Variants in C10orf90 observed in about 807,000 individuals in gnomAD.
C10orf90 encodes chromosome 10 open reading frame 90.
A neutral mutation model predicts 62.5 loss-of-function variants in C10orf90; 56 were observed. The observed-to-expected ratio is 0.90, with a 90% CI of 0.72 to 1.12. The LOEUF is 1.12. Ranked by LOEUF, C10orf90 falls within the 50% of genes most tolerant of loss-of-function variation. The pLI is 0.00. For missense variants in C10orf90, 970 were observed against 880.4 expected, an observed-to-expected ratio of 1.10 and a Z score of -1.29; for synonymous variants, 386 against 340.4, an observed-to-expected ratio of 1.13 and a Z score of -1.47.
chr10:126,432,924 T>C (rs1857675739), intron 7 of C10orf90, among the ~76,000 whole-genome samples: 1 of 152,136 alleles, frequency 6.6e-6, no homozygotes, highest in Non-Finnish European at 1.5e-5. Context: ...AGTAAGAGAG[T>C]TGGAGAGCCA....
intron 7 of C10orf90, among the ~76,000 whole-genome samples, chr10:126,442,637 A>T (rs28832271): frequency 1.9e-3 from 28 of 15,090 alleles, no homozygotes; most frequent in African/African-American, 5.7e-3. Context: ...GTGTGTGTAT[A>T]TATATATATA....
At chr10:126,513,817 G>C in intron 3 of C10orf90, 31 bp downstream of exon 3, 1 of 1,405,664 alleles carries the variant, frequency 7.1e-7, no homozygotes, top group Non-Finnish European at 1.0e-6. Flanking sequence ...GCATTTTGCT[G>C]ACTATTCTAG....
At chr10:126,485,197 G>T (rs145571862) in intron 4 of C10orf90, among the ~76,000 whole-genome samples, 39 of 152,246 alleles carry the variant, frequency 2.6e-4, no homozygotes, top group African/African-American at 8.4e-4. Flanking sequence ...TACAATGTGA[G>T]GACACGACAA....
intron 2 of C10orf90, among the ~76,000 whole-genome samples, chr10:126,542,022 T>C (rs1864387433): frequency 6.6e-6 from 1 of 152,236 alleles, no homozygotes; most frequent in Non-Finnish European, 1.5e-5. Flanking sequence ...TGCTATTACA[T>C]GGGTGAACCT....
intron 4 of C10orf90, chr10:126,502,656 G>T (rs1417654065): frequency 2.8e-6 from 1 of 356,690 alleles, no homozygotes; most frequent in Non-Finnish European, 5.6e-6. Flanking sequence ...ATGACACATG[G>T]TTTAAAAATG....
intron 1 of C10orf90, among the ~76,000 whole-genome samples, chr10:126,650,650 T>C (rs1274968283): frequency 1.3e-5 from 2 of 152,202 alleles, no homozygotes; most frequent in African/African-American, 4.8e-5. Context: ...AAGAAAATCA[T>C]GACACTCCTT....
At chr10:126,566,812 A>G (rs1844400935) in intron 2 of C10orf90, among the ~76,000 whole-genome samples, 1 of 152,122 alleles carries the variant, frequency 6.6e-6, no homozygotes, top group Non-Finnish European at 1.5e-5. Context: ...ACCAGTTAAG[A>G]GGATACATCT....
At position 126,627,908 on chromosome 10, in the gene C10orf90, A is replaced by G. The variant is rs141676050; in HGVS notation, c.313+18657T>C. 2.4e-3 allele frequency among the ~76,000 whole-genome samples: 362 copies of G among 152,314 alleles called. 1 individual carries two copies. The highest frequency in any genetic ancestry group is 8.3e-3 in the African/African-American group (344 of 41,568). On this transcript the variant is annotated intron_variant, in intron 2 of 9. Coordinates refer to ENST00000488181, the MANE Select transcript of C10orf90 (RefSeq NM_001350921.2). ...CGGCTATAAAGCAGAACTTGTTTTC[A>G]TGTTAAGATGAATAGTGCTGGTTGA... is the stretch of plus-strand genomic sequence containing the variant.
rs11245070 is a variant in C10orf90 at position 126,627,727 on chromosome 10, C to A, written c.313+18838G>T. Reference sequence around the variant, plus strand: ...TCTTGTCTCCTCAGCAAAAAGAAAACCCAACTCCTAGGTACTCAGCAGAAT... The same window carrying A: ...TCTTGTCTCCTCAGCAAAAAGAAAAACCAACTCCTAGGTACTCAGCAGAAT... On this transcript the variant is annotated intron_variant, in intron 2 of 9. Coordinates refer to ENST00000488181, the MANE Select transcript of C10orf90 (RefSeq NM_001350921.2). Among the ~76,000 whole-genome samples, 1,082 of 152,216 alleles carry A rather than the reference C, an allele frequency of 7.1e-3. 18 individuals are homozygous for A. Among genetic ancestry groups the A allele is most frequent in the African/African-American group, 0.024 (1,007 of 41,544 alleles).
At chr10:126,498,562 G>T (rs546213252) in intron 4 of C10orf90, among the ~76,000 whole-genome samples, 7 of 152,250 alleles carry the variant, frequency 4.6e-5, no homozygotes, top group African/African-American at 1.7e-4. Flanking sequence ...AGACTGAATG[G>T]CAGAATGGCC....
intron 3 of C10orf90, among the ~76,000 whole-genome samples, chr10:126,512,879 A>G (rs1863212340): frequency 6.6e-6 from 1 of 152,192 alleles, no homozygotes; most frequent in East Asian, 1.9e-4. Flanking sequence ...ATCTTGTGGG[A>G]TTTCAGGCCC....
At chr10:126,484,621 C>T (rs543760581) in intron 4 of C10orf90, among the ~76,000 whole-genome samples, 25 of 152,246 alleles carry the variant, frequency 1.6e-4, no homozygotes, top group East Asian at 1.3e-3. Context: ...CTAATGGCAG[C>T]GCACATTACC....
At chr10:126,526,034 A>ACACG (rs1044011787) in intron 2 of C10orf90, among the ~76,000 whole-genome samples, 2 of 150,734 alleles carry the variant, frequency 1.3e-5, no homozygotes, top group African/African-American at 4.9e-5. Context: ...ACACACACAC[A>ACACG]CACACACACA....
intron 2 of C10orf90, among the ~76,000 whole-genome samples, chr10:126,627,404 T>C (rs928222416): frequency 6.6e-6 from 1 of 152,106 alleles, no homozygotes; most frequent in African/African-American, 2.4e-5. Flanking sequence ...CTGTGGTCCA[T>C]GCGGGTGTAA....
At chr10:126,629,752 C>T (rs917201297) in intron 2 of C10orf90, among the ~76,000 whole-genome samples, 1 of 152,138 alleles carries the variant, frequency 6.6e-6, no homozygotes, top group African/African-American at 2.4e-5. Context: ...TATGACATCC[C>T]TTTCCATTAC....
At chr10:126,584,388 CCTGTCCACCTGCCTGT>C (rs1451871531) in intron 2 of C10orf90, among the ~76,000 whole-genome samples, 1 of 151,548 alleles carries the variant, frequency 6.6e-6, no homozygotes, top group Admixed American at 6.6e-5. Flanking sequence ...CATCCATCTA[CCTGTCCACCTGCCTGT>C]CTGTCCACCT....
At chr10:126,491,104 A>G (rs990567654) in intron 4 of C10orf90, among the ~76,000 whole-genome samples, 4 of 152,338 alleles carry the variant, frequency 2.6e-5, no homozygotes, top group African/African-American at 9.6e-5. Flanking sequence ...GTAAGGATAA[A>G]TTTTGCAAAA....
intron 1 of C10orf90, among the ~76,000 whole-genome samples, chr10:126,658,808 G>T (rs1846447941): frequency 6.6e-6 from 1 of 152,104 alleles, no homozygotes; most frequent in African/African-American, 2.4e-5. Context: ...TGTTGCCCAG[G>T]CTAGTCTTGA....
chr10:126,637,592 C>A (rs1438400350), intron 2 of C10orf90, among the ~76,000 whole-genome samples: 1 of 152,204 alleles, frequency 6.6e-6, no homozygotes, highest in Non-Finnish European at 1.5e-5. Context: ...GTCATGACAT[C>A]GGGCTGGCTT....
Sources: allele counts gnomAD v4.1 joint callset (sites outside exome capture counted in the v4.1 genomes callset), GRCh38; gene constraint gnomAD v4.1.1; transcripts MANE v1.5; gene names NCBI Gene and HGNC (gene_info 2026-07-23, HGNC 2026-07-21).